Variants in IRX4 observed in about 807,000 individuals in gnomAD.
IRX4 encodes the protein iroquois homeobox 4.
IRX4 carries 22 observed loss-of-function variants against 32.0 expected under a neutral mutation model. The observed-to-expected ratio is 0.69, with a 90% confidence interval of 0.49 to 0.98. IRX4 has a LOEUF of 0.98. Among genes scored for constraint, IRX4 ranks in the 50% least tolerant of loss-of-function variants. The pLI, the probability that IRX4 is intolerant of heterozygous loss-of-function variation, is 0.00. For synonymous variants in IRX4, 379 were observed against 351.7 expected, an observed-to-expected ratio of 1.08 and a Z score of -0.87; for missense variants, 840 against 744.2, an observed-to-expected ratio of 1.13 and a Z score of -1.50.
intron 3 of IRX4, 98 bp downstream of exon 3, chr5:1,880,627 G>C: frequency 1.2e-6 from 1 of 827,078 alleles, no homozygotes; most frequent in South Asian, 1.5e-5. Flanking sequence ...CCTGCCTCCC[G>C]CCTTCCAGAA....
At position 1,878,039 on chromosome 5, in the gene IRX4, G is replaced by A; in HGVS notation, c.1490C>T (p.Ala497Val). The A allele has an allele frequency of 2.6e-6, 4 of 1,510,158 alleles. No individual in the cohort carries two copies. The highest frequency in any genetic ancestry group is 3.5e-6 in the Non-Finnish European group (4 of 1,134,654). 93.5% of individuals were successfully genotyped at this position (1,510,158 alleles called of 1,614,324 possible). The change falls in exon 5 of 5, where the codon GCC becomes GTC. Residue 497 changes from alanine to valine, a missense_variant. Physicochemically the swap from Ala to Val is moderately conservative, Grantham distance 64 (BLOSUM62 0). Around this residue, in one of 3 missense-constraint regions of IRX4, gnomAD observed 585 missense variants for 488.0 expected, o/e 1.20. Transcript: ENST00000231357. ...RAFPPAVPQD[A>V]PAAGAARELL... Reference sequence around the variant, plus strand: ...CTCCCTGGCGGCGCCTGCAGCTGGGGCGTCCTGGGGCACGGCAGGCGGAAA... The same window carrying A: ...CTCCCTGGCGGCGCCTGCAGCTGGGACGTCCTGGGGCACGGCAGGCGGAAA...
chr5:1,881,072 GGGGGGA>G, intron 2 of IRX4: 3 of 390,518 alleles, frequency 7.7e-6, no homozygotes, highest in Non-Finnish European at 9.4e-6. Flanking sequence ...GGGGGGGGCG[GGGGGGA>G]GGAGGTGCAG....
At chr5:1,881,725 GACTGGCGCGCCT>G in intron 2 of IRX4, 71 bp downstream of exon 2, 2 of 1,511,704 alleles carry the variant, frequency 1.3e-6, no homozygotes, top group South Asian at 2.4e-5. Flanking sequence ...CGGGGACCCG[GACTGGCGCGCCT>G]ACTGGGGCAA....
intron 4 of IRX4, 61 bp from the exon 5 acceptor site, chr5:1,878,853 GT>G (rs1735318742): frequency 6.5e-7 from 1 of 1,546,092 alleles, no homozygotes; most frequent in Admixed American, 1.7e-5. Context: ...CAGACCCCCT[GT>G]CCCCGTCCAC....
At chr5:1,885,569 C>G (rs753912550), upstream of IRX4, among the ~76,000 whole-genome samples, 4 of 152,150 alleles carry the variant, frequency 2.6e-5, no homozygotes, top group Non-Finnish European at 4.4e-5. Context: ...CCTCGGGAAG[C>G]TCGCAACTGC....
chr5:1,886,694 A>C, upstream of IRX4, among the ~76,000 whole-genome samples: 1 of 151,116 alleles, frequency 6.6e-6, no homozygotes, highest in African/African-American at 2.4e-5. Context: ...AGGCCTGGCC[A>C]CTCCGAGCCC....
upstream of IRX4, among the ~76,000 whole-genome samples, chr5:1,883,028 G>C (rs1453366293): frequency 1.3e-5 from 2 of 151,810 alleles, no homozygotes; most frequent in Non-Finnish European, 2.9e-5. Flanking sequence ...CGCGCAGCCC[G>C]GCCTGGCCGC....
chr5:1,880,122 A>G, intron 3 of IRX4: 1 of 1,535,612 alleles, frequency 6.5e-7, no homozygotes, highest in Non-Finnish European at 8.7e-7. Flanking sequence ...CTTTATGGGG[A>G]TGACCGCCTA....
Position 1,878,434 on chromosome 5 carries a change from C to T in IRX4, c.1095G>A (p.Lys365=). 1 of 1,507,652 alleles carries T rather than the reference C, an allele frequency of 6.6e-7. No individual in the cohort carries two copies. The allele number at this position is 1,507,652 out of a possible 1,614,324, so 93.4% of individuals were successfully genotyped here. The change falls in exon 5 of 5, where the codon AAG becomes AAA. Residue 365 remains lysine (K), a synonymous_variant. Coordinates refer to ENST00000231357, the MANE Select transcript of IRX4 (RefSeq NM_016358.3). The part of the protein sequence containing the change: ...PAGASAGLEA[K]PRIWSLAHTA... ...TGTGGGCCAGGGACCAGATGCGCGG[C>T]TTAGCCTCCAGGCCTGCCGACGCCC... is the stretch of plus-strand genomic sequence containing the variant.
intron 3 of IRX4, 111 bp from the exon 4 acceptor site, chr5:1,879,943 G>A (rs1356856118): frequency 5.2e-6 from 8 of 1,528,708 alleles, no homozygotes; most frequent in African/African-American, 1.4e-5. Context: ...TTGCTTCCCC[G>A]TCGTGGGGTT....
intron 2 of IRX4, 141 bp from the exon 3 acceptor site, chr5:1,880,975 C>A: frequency 1.4e-6 from 1 of 691,676 alleles, no homozygotes. Context: ...AGCTGATTTC[C>A]CGCTTGCTTT....
At chr5:1,879,854 G>C in intron 3 of IRX4, 22 bp from the exon 4 acceptor site, 5 of 1,612,302 alleles carry the variant, frequency 3.1e-6, no homozygotes, top group Non-Finnish European at 4.2e-6. Context: ...CTCTGCAATG[G>C]GCTCAGGCTG....
At chr5:1,879,440 C>A (rs750090472) in intron 4 of IRX4, 64 bp downstream of exon 4, 2 of 1,610,176 alleles carry the variant, frequency 1.2e-6, no homozygotes. Flanking sequence ...GTCCTAGAAC[C>A]GCAGAGAAGG....
At chr5:1,880,051 T>C in intron 3 of IRX4, 1 of 1,531,960 alleles carries the variant, frequency 6.5e-7, no homozygotes, top group African/African-American at 1.4e-5. Flanking sequence ...AAAGATTATA[T>C]TTGACTAAAC....
At position 1,880,807 on chromosome 5, in the gene IRX4, C is replaced by T. The variant is rs746505058; in HGVS notation, c.325G>A (p.Gly109Arg). The change falls in exon 3 of 5, where the codon GGA (glycine) becomes AGA (arginine). Residue 109 changes from glycine to arginine, a missense_variant. Gly to Arg is a moderately radical substitution (Grantham distance 125). Coordinates refer to ENST00000231357, the MANE Select transcript of IRX4 (RefSeq NM_016358.3). ...LNSFDSKDGS[G>R]SAHGGLAPAA... ...GGTGCCAGGCCCCCATGCGCAGATC[C>T]CGAACCATCCTTGGAATCAAAGCTG... The T allele has an allele frequency of 3.1e-6, 5 of 1,613,710 alleles. No homozygotes were observed. In the South Asian group the frequency reaches 5.5e-5, roughly 18 times the overall value.
At position 1,879,517 on chromosome 5, in the gene IRX4, G is replaced by C. The variant is rs1467226922; in HGVS notation, c.723C>G (p.Ser241Arg). ...EEEAREEPLK[S>R]SKNAEPVGKE... ...CTCCCAACCCACCTGCGTTCTTGGA[G>C]CTCTTGAGGGGCTCCTCCCGCGCCT... Residue 241 changes from serine to arginine, a missense_variant, in exon 4 of 5, where the codon AGC becomes AGG. By Grantham distance (110) the Ser-to-Arg change is moderately radical. Transcript: ENST00000231357. 1 of 1,613,180 alleles carries C rather than the reference G, an allele frequency of 6.2e-7. No homozygotes were observed.
chr5:1,880,977 G>T (rs1005165430), intron 2 of IRX4, 143 bp from the exon 3 acceptor site: 1 of 651,672 alleles, frequency 1.5e-6, no homozygotes, highest in East Asian at 3.1e-5. Flanking sequence ...CTGATTTCCC[G>T]CTTGCTTTAA....
rs1328076487 is a variant in IRX4 at position 1,878,432 on chromosome 5, G to C, written c.1097C>G (p.Pro366Arg). Reference sequence around the variant, plus strand: ...TGTGTGGGCCAGGGACCAGATGCGCGGCTTAGCCTCCAGGCCTGCCGACGC... The same window carrying C: ...TGTGTGGGCCAGGGACCAGATGCGCCGCTTAGCCTCCAGGCCTGCCGACGC... ...AGASAGLEAK[P>R]RIWSLAHTAT... Residue 366 changes from proline to arginine, a missense_variant, in exon 5 of 5, where the codon CCG becomes CGG. Around this residue, in one of 3 missense-constraint regions of IRX4, gnomAD observed 585 missense variants for 488.0 expected, o/e 1.20. Transcript: ENST00000231357. The C allele has an allele frequency of 2.7e-6, 4 of 1,508,920 alleles. No individual in the cohort carries two copies. The Admixed American group carries it at 6.1e-5, about 23-fold the overall frequency. 93.5% of individuals were successfully genotyped at this position (1,508,920 alleles called of 1,614,324 possible).
In IRX4 at chr5:1,878,145, C is replaced by A; in HGVS notation, c.1384G>T (p.Gly462Cys). The A allele has an allele frequency of 6.4e-7, 1 of 1,558,012 alleles. No individual in the cohort carries two copies. Among genetic ancestry groups the A allele is most frequent in the East Asian group, 2.4e-5 (1 of 42,272 alleles). ...AGAGGCCCGGGGTCCAGGAGGGCGC[C>A]CTTGGCGGTGGCCCAGGCCTGGTTC... ...TLNQAWATAK[G>C]ALLDPGPLGR... is the part of the protein sequence containing the mutation. The change falls in exon 5 of 5, where the codon GGC becomes TGC. Residue 462 changes from glycine (G) to cysteine (C), a missense_variant. Gly to Cys is a radical substitution (Grantham distance 159, BLOSUM62 -3). This residue lies in a region of IRX4 where 585 missense variants were observed against 488.0 expected (regional missense o/e 1.20). Transcript: ENST00000231357.
Sources: allele counts gnomAD v4.1 joint callset (sites outside exome capture counted in the v4.1 genomes callset), GRCh38; gene constraint gnomAD v4.1.1; regional missense constraint gnomAD v4.1.1; transcripts MANE v1.5; gene names NCBI Gene and HGNC (gene_info 2026-07-23, HGNC 2026-07-21).